The following AGBL4 variants were observed in gnomAD, a reference collection of about 807,000 sequenced individuals.
AGBL4 encodes cytosolic carboxypeptidase 6.
AGBL4 carries 58 observed loss-of-function variants against 66.4 expected under a neutral mutation model. That is an observed-to-expected ratio of 0.87 (90% CI 0.71 to 1.09). The LOEUF (loss-of-function observed/expected upper bound fraction) is 1.09. AGBL4 is among the 50% of genes least tolerant of loss of function. The pLI, the probability that AGBL4 is intolerant of heterozygous loss-of-function variation, is 0.00. For missense variants in AGBL4, 579 were observed against 631.0 expected (o/e 0.92, Z 0.88); for synonymous variants, 234 against 222.9 (o/e 1.05, Z -0.44).
At chr1:48,751,121 G>T (rs1267886648) in intron 6 of AGBL4, among the ~76,000 whole-genome samples, 1 of 152,162 alleles carries the variant, frequency 6.6e-6, no homozygotes, top group Admixed American at 6.5e-5. Context: ...CTATAAGATA[G>T]GGGTGAAAGG....
chr1:49,509,316 T>C (rs1648982512), intron 3 of AGBL4, among the ~76,000 whole-genome samples: 1 of 151,960 alleles, frequency 6.6e-6, no homozygotes, highest in African/African-American at 2.4e-5. Context: ...TTAAGTAATA[T>C]TGAGTGTCTC....
At chr1:49,311,202 T>G (rs1411792251) in intron 3 of AGBL4, among the ~76,000 whole-genome samples, 1 of 152,096 alleles carries the variant, frequency 6.6e-6, no homozygotes, top group Non-Finnish European at 1.5e-5. Flanking sequence ...AATGGTTGTT[T>G]CATTTATCTT....
chr1:50,014,309 T>C (rs1661772983), intron 1 of AGBL4, among the ~76,000 whole-genome samples: 2 of 150,802 alleles, frequency 1.3e-5, no homozygotes, highest in South Asian at 2.1e-4. Context: ...AGGTGGAGGC[T>C]GCAGTGAGCC....
chr1:48,860,046 T>C (rs1287291136), intron 6 of AGBL4, among the ~76,000 whole-genome samples: 1 of 152,210 alleles, frequency 6.6e-6, no homozygotes, highest in Non-Finnish European at 1.5e-5. Flanking sequence ...CAAATTTCAT[T>C]TTAAAAATTA....
intron 3 of AGBL4, among the ~76,000 whole-genome samples, chr1:49,637,414 C>T (rs1443061702): frequency 6.6e-6 from 1 of 152,034 alleles, no homozygotes; most frequent in African/African-American, 2.4e-5. Flanking sequence ...AATTCTCCTG[C>T]CTCAGCCTCC....
chr1:49,869,827 G>A (rs189485498), intron 1 of AGBL4, among the ~76,000 whole-genome samples: 2 of 152,300 alleles, frequency 1.3e-5, no homozygotes, highest in African/African-American at 4.8e-5. Flanking sequence ...AGAGAAGGGG[G>A]ATAAGGGGAT....
chr1:48,594,171 C>CA (rs887644398), intron 9 of AGBL4, among the ~76,000 whole-genome samples: 21 of 151,792 alleles, frequency 1.4e-4, no homozygotes, highest in African/African-American at 5.1e-4. Context: ...ACTAAAAATA[C>CA]AAAAAAATTA....
At chr1:49,267,068 T>C (rs1472500377) in intron 3 of AGBL4, among the ~76,000 whole-genome samples, 1 of 152,146 alleles carries the variant, frequency 6.6e-6, no homozygotes, top group Non-Finnish European at 1.5e-5. Context: ...CCCAGTGTCA[T>C]TAATGCAAAA....
At chr1:49,063,150 T>C (rs1175914895) in intron 4 of AGBL4, among the ~76,000 whole-genome samples, 1 of 152,164 alleles carries the variant, frequency 6.6e-6, no homozygotes, top group Non-Finnish European at 1.5e-5. Flanking sequence ...AAAGCATAAT[T>C]GTTACTTGAA....
chr1:49,317,862 C>G (rs1326361965), intron 3 of AGBL4, among the ~76,000 whole-genome samples: 1 of 151,982 alleles, frequency 6.6e-6, no homozygotes, highest in Admixed American at 6.6e-5. Context: ...ATGTCTTGCT[C>G]TTATGAGGGT....
intron 5 of AGBL4, among the ~76,000 whole-genome samples, chr1:49,022,239 T>G (rs1663302302): frequency 6.6e-6 from 1 of 152,004 alleles, no homozygotes; most frequent in Admixed American, 6.6e-5. Flanking sequence ...CAAATGATAG[T>G]GCAGGATGAA....
At chr1:49,726,002 C>G (rs984653518) in intron 2 of AGBL4, among the ~76,000 whole-genome samples, 1 of 152,020 alleles carries the variant, frequency 6.6e-6, no homozygotes, top group Admixed American at 6.6e-5. Context: ...TTTAGAGTTT[C>G]AGATCTTAAG....
chr1:49,418,445 G>A (rs1645475541), intron 3 of AGBL4, among the ~76,000 whole-genome samples: 1 of 152,144 alleles, frequency 6.6e-6, no homozygotes, highest in Non-Finnish European at 1.5e-5. Context: ...TAATAGAAGA[G>A]ACTGATATTG....
intron 9 of AGBL4, among the ~76,000 whole-genome samples, chr1:48,621,220 G>C (rs1310086235): frequency 6.6e-6 from 1 of 152,200 alleles, no homozygotes; most frequent in Admixed American, 6.5e-5. Context: ...ATTTTGAGCA[G>C]AGAAAGTAGA....
At chr1:48,560,976 T>C (rs1644387884) in intron 11 of AGBL4, among the ~76,000 whole-genome samples, 1 of 152,260 alleles carries the variant, frequency 6.6e-6, no homozygotes, top group African/African-American at 2.4e-5. Flanking sequence ...GATTTGCCCC[T>C]GTCTAGTTTC....
Position 49,660,448 on chromosome 1 carries a change from A to G in AGBL4, c.282+36865T>C, listed in dbSNP as rs1293469365. ...ATGGCTATTGTTAAAAAGTCAAGAA[A>G]TAATAGATGTTGGCGAGGTTGTGGA... On this transcript the variant is annotated intron_variant, in intron 3 of 13. Transcript: ENST00000371839. Among the ~76,000 whole-genome samples the G allele has an allele frequency of 1.3e-5, 2 of 152,228 alleles. 1 individual carries two copies. Among genetic ancestry groups the G allele is most frequent in the Non-Finnish European group, 2.9e-5 (2 of 68,048 alleles).
intron 2 of AGBL4, among the ~76,000 whole-genome samples, chr1:49,764,295 C>CTAG (rs1397142760): frequency 2.0e-5 from 3 of 152,132 alleles, no homozygotes; most frequent in Non-Finnish European, 2.9e-5. Flanking sequence ...GTCTCCACTG[C>CTAG]CCCAGTTGCC....
intron 3 of AGBL4, among the ~76,000 whole-genome samples, chr1:49,595,710 C>A (rs1275296859): frequency 3.3e-5 from 5 of 151,842 alleles, no homozygotes; most frequent in African/African-American, 9.7e-5. Flanking sequence ...CATAAGCACA[C>A]AAGAGAAAAC....
At chr1:48,674,706 G>A (rs909437254) in intron 6 of AGBL4, among the ~76,000 whole-genome samples, 3 of 152,162 alleles carry the variant, frequency 2.0e-5, no homozygotes, top group Non-Finnish European at 2.9e-5. Context: ...GGGTGGCTGT[G>A]AGGACTAGAT....
Sources: allele counts gnomAD v4.1 joint callset (sites outside exome capture counted in the v4.1 genomes callset), GRCh38; gene constraint gnomAD v4.1.1; transcripts MANE v1.5; gene names NCBI Gene and HGNC (gene_info 2026-07-23, HGNC 2026-07-21).